NXN: variants seen among roughly 807,000 people sequenced by gnomAD.
The protein encoded by NXN is nucleoredoxin, also known as nucleoredoxin 1.
A neutral mutation model predicts 48.6 loss-of-function variants in NXN; 16 were observed. The observed-to-expected ratio is 0.33, with a 90% CI of 0.22 to 0.50. The LOEUF is 0.50. Among genes scored for constraint, NXN ranks in the 20% least tolerant of loss-of-function variants. The pLI, the probability that NXN is intolerant of heterozygous loss-of-function variation, is 0.98. For synonymous variants in NXN, 281 were observed against 269.6 expected (o/e 1.04, Z -0.41); for missense variants, 492 against 605.5 (o/e 0.81, Z 1.97).
At chr17:879,279 TG>T (rs2068256604) in intron 1 of NXN, among the ~76,000 whole-genome samples, 1 of 147,618 alleles carries the variant, frequency 6.8e-6, no homozygotes, top group Admixed American at 6.7e-5. Context: ...GTTTGGTTTT[TG>T]GTTTTTGGTT....
At chr17:884,917 C>T (rs1243688928) in intron 1 of NXN, among the ~76,000 whole-genome samples, 1 of 152,144 alleles carries the variant, frequency 6.6e-6, no homozygotes, top group Non-Finnish European at 1.5e-5. Context: ...TGTGGGCTTT[C>T]CCCCAAAACA....
chr17:974,544 T>C (rs2069434985), intron 1 of NXN, among the ~76,000 whole-genome samples: 1 of 151,986 alleles, frequency 6.6e-6, no homozygotes, highest in Admixed American at 6.6e-5. Context: ...TTATCTCGCG[T>C]AGCCTTTACA....
At chr17:915,482 G>A (rs940217941) in intron 1 of NXN, among the ~76,000 whole-genome samples, 2 of 151,380 alleles carry the variant, frequency 1.3e-5, no homozygotes, top group Non-Finnish European at 3.0e-5. Context: ...ACTGGGTTTT[G>A]CCATGTTGCC....
intron 1 of NXN, among the ~76,000 whole-genome samples, chr17:888,863 G>A (rs532187520): frequency 6.6e-6 from 1 of 151,404 alleles, no homozygotes; most frequent in African/African-American, 2.4e-5. Context: ...GCTGAGGCAG[G>A]AGAATCACTT....
intron 1 of NXN, among the ~76,000 whole-genome samples, chr17:882,460 G>GTTTGTTTTGT (rs140223930): frequency 5.4e-4 from 81 of 151,228 alleles, no homozygotes; most frequent in Middle Eastern, 3.4e-3. Flanking sequence ...GGTTTCTTTT[G>GTTTGTTTTGT]TTTGTTTTGT....
chr17:848,720 G>A (rs1366228523), intron 1 of NXN, among the ~76,000 whole-genome samples: 1 of 152,212 alleles, frequency 6.6e-6, no homozygotes, highest in Non-Finnish European at 1.5e-5. Flanking sequence ...CAGGCAGCTT[G>A]CCTCCTGGTT....
chr17:901,168 G>A (rs745565452), intron 1 of NXN, among the ~76,000 whole-genome samples: 4 of 152,124 alleles, frequency 2.6e-5, no homozygotes, highest in Non-Finnish European at 4.4e-5. Flanking sequence ...TGATCTGCCC[G>A]CCTCGGCCTC....
chr17:874,776 A>T (rs1414788058), intron 1 of NXN, among the ~76,000 whole-genome samples: 1 of 152,156 alleles, frequency 6.6e-6, no homozygotes, highest in Non-Finnish European at 1.5e-5. Flanking sequence ...CAGCAATGGG[A>T]GAACAGACTA....
At position 917,745 on chromosome 17, in the gene NXN, G is replaced by A. The variant is rs771984019; in HGVS notation, c.360+61574C>T. On this transcript the variant is annotated intron_variant, in intron 1 of 7. Transcript: ENST00000336868. This position sits in a 1 kb window ranked among gnomAD's most constrained non-coding sequence, Gnocchi z 4.5. The stretch of plus-strand genomic sequence containing the variant: ...CAGGTTCCAGCCCTACAAGGGGCGC[G>A]TACTGGCACAACAGGCGGGCGTGGC... Among the ~76,000 whole-genome samples the A allele has an allele frequency of 9.9e-5, 15 of 152,168 alleles. No individual in the cohort carries two copies. The highest frequency in any genetic ancestry group is 3.9e-4 in the Admixed American group (6 of 15,268).
intron 1 of NXN, among the ~76,000 whole-genome samples, chr17:836,881 T>A (rs1401264834): frequency 1.3e-5 from 2 of 151,106 alleles, no homozygotes; most frequent in East Asian, 2.0e-4. Context: ...AGCCTCCACC[T>A]CCCGGGCTCA....
chr17:803,841 G>GA, intron 6 of NXN, 35 bp from the exon 7 acceptor site: 1 of 1,612,322 alleles, frequency 6.2e-7, no homozygotes, highest in Non-Finnish European at 8.5e-7. Flanking sequence ...AAGACGGGGA[G>GA]AAAAAGCACT....
intron 1 of NXN, among the ~76,000 whole-genome samples, chr17:852,596 T>C (rs1192617605): frequency 1.3e-5 from 2 of 152,160 alleles, no homozygotes; most frequent in Non-Finnish European, 2.9e-5. Context: ...TGGATTTGGA[T>C]ACGGGGCTCC....
intron 1 of NXN, among the ~76,000 whole-genome samples, chr17:914,413 A>C (rs1049748900): frequency 2.6e-5 from 4 of 151,352 alleles, no homozygotes; most frequent in Non-Finnish European, 1.5e-5. Context: ...CAGGTGATCC[A>C]CCCGCCACAG....
intron 1 of NXN, among the ~76,000 whole-genome samples, chr17:934,882 AAAG>A (rs2068892368): frequency 6.6e-6 from 1 of 152,164 alleles, no homozygotes; most frequent in East Asian, 1.9e-4. Context: ...AAAAAAAAGA[AAAG>A]AAAGAACATT....
chr17:945,890 G>C (rs1038893606), intron 1 of NXN, among the ~76,000 whole-genome samples: 9 of 151,850 alleles, frequency 5.9e-5, no homozygotes, highest in African/African-American at 2.2e-4. Flanking sequence ...TTTAGGGTTA[G>C]GCCAGCAAAC....
At chr17:945,582 G>C (rs2069033716) in intron 1 of NXN, among the ~76,000 whole-genome samples, 1 of 144,042 alleles carries the variant, frequency 6.9e-6, no homozygotes, top group Admixed American at 7.1e-5. Flanking sequence ...CGTGAGCCGA[G>C]ATCGTGCCAC....
At position 919,572 on chromosome 17, in the gene NXN, C is replaced by T. The variant is rs1433198873; in HGVS notation, c.360+59747G>A. On this transcript the variant is annotated intron_variant, in intron 1 of 7. Coordinates refer to ENST00000336868, the MANE Select transcript of NXN (RefSeq NM_022463.5). The surrounding 1 kb of genome is among the most constrained non-coding windows in gnomAD (Gnocchi z 5.1). ...CAAACGGCTTTCTACAGCACCTCCTCGTATCGTGGGTTACAGAACCTACGT... is the reference window on the plus strand; with the variant it reads ...CAAACGGCTTTCTACAGCACCTCCTTGTATCGTGGGTTACAGAACCTACGT... 1.3e-5 allele frequency among the ~76,000 whole-genome samples: 2 copies of T among 152,046 alleles called. No individual in the cohort carries two copies. The highest frequency in any genetic ancestry group is 2.4e-5 in the African/African-American group (1 of 41,372).
chr17:945,987 A>G (rs182858809), intron 1 of NXN, among the ~76,000 whole-genome samples: 1 of 152,232 alleles, frequency 6.6e-6, no homozygotes, highest in Non-Finnish European at 1.5e-5. Context: ...TTCGGCCACA[A>G]AAAGGCTCTT....
intron 1 of NXN, among the ~76,000 whole-genome samples, chr17:903,769 ACT>A (rs2068557937): frequency 6.6e-6 from 1 of 152,202 alleles, no homozygotes; most frequent in Non-Finnish European, 1.5e-5. Context: ...CAGATAGAAC[ACT>A]GAGGTTCAGA....
Sources: gnomAD v4.1 joint callset for allele counts (sites outside exome capture counted in the v4.1 genomes callset) on GRCh38, gnomAD v4.1.1 for gene constraint, Gnocchi (gnomAD v3.1) non-coding constraint, MANE v1.5 for transcripts, NCBI Gene and HGNC (gene_info 2026-07-23, HGNC 2026-07-21) for gene names.